BRINP3: variants seen among roughly 807,000 people sequenced by gnomAD.
The protein encoded by BRINP3 is BMP/retinoic acid inducible neural specific 3.
In BRINP3, 19 loss-of-function variants were observed where a neutral mutation model predicts 71.0. The observed-to-expected ratio is 0.27, with a 90% CI of 0.19 to 0.39. The LOEUF (loss-of-function observed/expected upper bound fraction) is 0.39. Among genes scored for constraint, BRINP3 ranks in the 10% least tolerant of loss-of-function variants. BRINP3 has a pLI of 1.00. For synonymous variants in BRINP3, 380 were observed against 337.7 expected (o/e 1.13, Z -1.37); for missense variants, 959 against 940.8 (o/e 1.02, Z -0.25).
In BRINP3 at chr1:190,098,866, A is replaced by G; in HGVS notation, c.1453T>C (p.Tyr485His). 6.2e-7 allele frequency: 1 copy of G among 1,614,154 alleles called. No homozygotes were observed. Among genetic ancestry groups the G allele is most frequent in the Non-Finnish European group, 8.5e-7 (1 of 1,180,036 alleles). Reference protein sequence around the residue: ...KPEVAESTDHYIGFETDLQDL... With the variant: ...KPEVAESTDHHIGFETDLQDL... Reference sequence around the variant, plus strand: ...TGCAGGTCAGTTTCAAAGCCAATATAGTGATCGGTGGACTCGGCGACTTCA... The same window carrying G: ...TGCAGGTCAGTTTCAAAGCCAATATGGTGATCGGTGGACTCGGCGACTTCA... Residue 485 changes from tyrosine to histidine, a missense_variant, in exon 8 of 8, where the codon TAT becomes CAT. Transcript: ENST00000367462.
At chr1:190,361,051 G>T (rs1449658993) in intron 2 of BRINP3, among the ~76,000 whole-genome samples, 3 of 151,904 alleles carry the variant, frequency 2.0e-5, no homozygotes, top group Non-Finnish European at 4.4e-5. Context: ...ACCTTTAAAA[G>T]TCGGGGTGGG....
chr1:190,186,784 G>A (rs75014188), intron 6 of BRINP3, among the ~76,000 whole-genome samples: 1,670 of 152,136 alleles, frequency 0.011, 20 homozygotes, highest in Non-Finnish European at 0.016. Flanking sequence ...TTCAGAAGTG[G>A]TGCTTGGTAA....
intron 2 of BRINP3, among the ~76,000 whole-genome samples, chr1:190,388,445 A>T (rs537401030): frequency 1.3e-4 from 20 of 152,002 alleles, no homozygotes; most frequent in Non-Finnish European, 2.5e-4. Context: ...TAACAAGTAT[A>T]ATTATAAAAA....
At chr1:190,313,494 C>G (rs1310188397) in intron 2 of BRINP3, among the ~76,000 whole-genome samples, 1 of 151,920 alleles carries the variant, frequency 6.6e-6, no homozygotes, top group African/African-American at 2.4e-5. Flanking sequence ...GTATAGAGTA[C>G]TATTAAAGCA....
intron 2 of BRINP3, among the ~76,000 whole-genome samples, chr1:190,357,507 A>G (rs1265487514): frequency 6.6e-6 from 1 of 151,950 alleles, no homozygotes; most frequent in Non-Finnish European, 1.5e-5. Flanking sequence ...TCAGTGTGGT[A>G]TCTTTTAATA....
chr1:190,199,358 G>T (rs1476750638), intron 6 of BRINP3, among the ~76,000 whole-genome samples: 1 of 151,978 alleles, frequency 6.6e-6, no homozygotes, highest in Non-Finnish European at 1.5e-5. Flanking sequence ...TTTCCTGGAG[G>T]TACAATGAAT....
intron 2 of BRINP3, among the ~76,000 whole-genome samples, chr1:190,432,820 A>T (rs1294878605): frequency 6.6e-6 from 1 of 152,192 alleles, no homozygotes; most frequent in Non-Finnish European, 1.5e-5. Context: ...CAGAAGCTGA[A>T]ATTTACCTAA....
chr1:190,301,200 C>CATATATAT (rs1205544792), intron 2 of BRINP3, among the ~76,000 whole-genome samples: 2 of 87,814 alleles, frequency 2.3e-5, no homozygotes, highest in Non-Finnish European at 2.1e-5. Flanking sequence ...TATATATACA[C>CATATATAT]ATACATATAT....
intron 7 of BRINP3, among the ~76,000 whole-genome samples, chr1:190,118,166 T>C (rs979162138): frequency 2.0e-5 from 3 of 151,860 alleles, no homozygotes; most frequent in Non-Finnish European, 4.4e-5. Context: ...CAACTCTGAT[T>C]TCAAATAAAG....
At chr1:190,269,828 A>G (rs1232426062) in intron 3 of BRINP3, among the ~76,000 whole-genome samples, 1 of 152,060 alleles carries the variant, frequency 6.6e-6, no homozygotes, top group Non-Finnish European at 1.5e-5. Context: ...GATACAACTT[A>G]CATACAGGGA....
chr1:190,450,897 T>C (rs1675562184), intron 2 of BRINP3, among the ~76,000 whole-genome samples: 1 of 152,278 alleles, frequency 6.6e-6, no homozygotes, highest in East Asian at 1.9e-4. Flanking sequence ...GAAGTGACCA[T>C]ATAGTGGTTT....
chr1:190,414,846 C>G (rs1251702470), intron 2 of BRINP3, among the ~76,000 whole-genome samples: 1 of 152,150 alleles, frequency 6.6e-6, no homozygotes, highest in African/African-American at 2.4e-5. Flanking sequence ...GCATTCAAAT[C>G]AAGATAGAAG....
intron 4 of BRINP3, among the ~76,000 whole-genome samples, chr1:190,246,924 G>A (rs1469725452): frequency 2.6e-5 from 4 of 151,794 alleles, no homozygotes; most frequent in Admixed American, 2.0e-4. Context: ...AAAAATTACA[G>A]GAATCTCACA....
At chr1:190,333,313 C>T (rs1490283311) in intron 2 of BRINP3, among the ~76,000 whole-genome samples, 2 of 151,780 alleles carry the variant, frequency 1.3e-5, no homozygotes, top group Non-Finnish European at 2.9e-5. Flanking sequence ...TCTTCTGAAG[C>T]AAACACATGA....
chr1:190,469,402 T>C (rs527512776), intron 1 of BRINP3, among the ~76,000 whole-genome samples: 69 of 151,158 alleles, frequency 4.6e-4, no homozygotes, highest in African/African-American at 1.6e-3. Context: ...CTAGACTTGA[T>C]CTATGTATTA....
chr1:190,171,050 T>C (rs933410098), intron 6 of BRINP3, among the ~76,000 whole-genome samples: 2 of 152,100 alleles, frequency 1.3e-5, no homozygotes, highest in African/African-American at 4.8e-5. Context: ...CCTATGAGAC[T>C]GAAACTCAAT....
intron 2 of BRINP3, among the ~76,000 whole-genome samples, chr1:190,332,087 T>G (rs1667001656): frequency 6.6e-6 from 1 of 152,064 alleles, no homozygotes; most frequent in African/African-American, 2.4e-5. Flanking sequence ...AACCCTATTT[T>G]AAGCTATTTT....
intron 2 of BRINP3, among the ~76,000 whole-genome samples, chr1:190,307,103 A>T (rs931997767): frequency 6.6e-6 from 1 of 151,840 alleles, no homozygotes; most frequent in Non-Finnish European, 1.5e-5. Context: ...CAGATTTGGA[A>T]ACAAAATCCT....
intron 6 of BRINP3, among the ~76,000 whole-genome samples, chr1:190,213,305 GAGA>G (rs1656141379): frequency 6.6e-6 from 1 of 152,024 alleles, no homozygotes; most frequent in South Asian, 2.1e-4. Context: ...AGAACACATA[GAGA>G]AGATTTCACA....
Sources: allele counts gnomAD v4.1 joint callset (sites outside exome capture counted in the v4.1 genomes callset), GRCh38; gene constraint gnomAD v4.1.1; transcripts MANE v1.5; gene names NCBI Gene and HGNC (gene_info 2026-07-23, HGNC 2026-07-21).